Variants in HERC5 observed in about 807,000 individuals in gnomAD.
HERC5 encodes the protein E3 ISG15--protein ligase HERC5.
In HERC5, 99 loss-of-function variants were observed where a neutral mutation model predicts 119.6. The ratio of observed to expected loss-of-function variants is 0.83; its 90% CI spans 0.70 to 0.98. The LOEUF is 0.98. HERC5 is among the 50% of genes least tolerant of loss of function. The pLI, the probability that HERC5 is intolerant of heterozygous loss-of-function variation, is 0.00. For synonymous variants in HERC5, 478 were observed against 445.9 expected (o/e 1.07, Z -0.91); for missense variants, 1,267 against 1,241.3 (o/e 1.02, Z -0.31).
chr4:88,504,346 A>T lies in HERC5; in HGVS notation c.2697A>T (p.Leu899Phe), dbSNP rs1446898375. The T allele has an allele frequency of 1.9e-6, 3 of 1,612,840 alleles. No homozygotes were observed. The highest frequency in any genetic ancestry group is 2.2e-5 in the East Asian group (1 of 44,852). ...YKMCDEDIIK[L>F]FHPEELKDVI... ...TGTGCGACGAAGACATTATCAAATT[A>T]TTCCACCCCGAAGAACTGAAGGATG... The change falls in exon 21 of 23, where the codon TTA (leucine) becomes TTT (phenylalanine). Residue 899 changes from leucine (L) to phenylalanine (F), a missense_variant. Physicochemically the swap from Leu to Phe is conservative, Grantham distance 22 (BLOSUM62 0). This residue lies in a region of HERC5 where 473 missense variants were observed against 445.7 expected (regional missense o/e 1.06). Coordinates refer to ENST00000264350, the MANE Select transcript of HERC5 (RefSeq NM_016323.4).
intron 2 of HERC5, among the ~76,000 whole-genome samples, chr4:88,459,773 T>G (rs1322409005): frequency 6.6e-6 from 1 of 152,136 alleles, no homozygotes; most frequent in Non-Finnish European, 1.5e-5. Context: ...GTTTTTAACC[T>G]AGAAAAAATA....
chr4:88,500,451 A>G (rs1250265899), intron 19 of HERC5, among the ~76,000 whole-genome samples: 1 of 152,198 alleles, frequency 6.6e-6, no homozygotes, highest in Non-Finnish European at 1.5e-5. Context: ...CCCACCACAC[A>G]TGCTTCTGCT....
In HERC5 at chr4:88,494,300, G is replaced by T; in HGVS notation, c.2413G>T (p.Asp805Tyr). ...TTTGGACCAAATGCCATCATTGGAA[G>T]ACTTGAAAGAACTCAGTCCTGATTT... The part of the protein sequence containing the change: ...KLLDQMPSLE[D>Y]LKELSPDLGK... The change falls in exon 18 of 23, where the codon GAC becomes TAC. Residue 805 changes from aspartate (D) to tyrosine (Y), a missense_variant. Around this residue, in one of 3 missense-constraint regions of HERC5, gnomAD observed 473 missense variants for 445.7 expected, o/e 1.06. Coordinates refer to ENST00000264350, the MANE Select transcript of HERC5 (RefSeq NM_016323.4). 1 of 1,613,190 alleles carries T rather than the reference G, an allele frequency of 6.2e-7. No homozygotes were observed. The highest frequency in any genetic ancestry group is 8.5e-7 in the Non-Finnish European group (1 of 1,179,718).
At position 88,494,217 on chromosome 4, in the gene HERC5, C is replaced by T; in HGVS notation, c.2330C>T (p.Ser777Phe). 4.3e-6 allele frequency: 7 copies of T among 1,612,900 alleles called. No individual in the cohort carries two copies. The highest frequency in any genetic ancestry group is 5.9e-6 in the Non-Finnish European group (7 of 1,179,516). ...TTTTTTGGGGTTCTATGTGGACTTT[C>T]CCTGTTCAATTGCAATGTTGCCAAC... The part of the protein sequence containing the change: ...YFFFGVLCGL[S>F]LFNCNVANLP... The change falls in exon 18 of 23, where the codon TCC (serine) becomes TTC (phenylalanine). Residue 777 changes from serine to phenylalanine, a missense_variant. This residue lies in a region of HERC5 where 473 missense variants were observed against 445.7 expected (regional missense o/e 1.06). Transcript: ENST00000264350.
At position 88,487,172 on chromosome 4, in the gene HERC5, A is replaced by T; in HGVS notation, c.1955A>T (p.Lys652Ile). ...CTACTACATACAGACACACTTTTAAAAATAGAGGTATGTATGCCTATTTGT... is the reference window on the plus strand; with the variant it reads ...CTACTACATACAGACACACTTTTAATAATAGAGGTATGTATGCCTATTTGT... ...IKLLHTDTLL[K>I]IESKKHKAYL... The change falls in exon 15 of 23, where the codon AAA (lysine) becomes ATA (isoleucine). Residue 652 changes from lysine to isoleucine, a missense_variant. Physicochemically the swap from Lys to Ile is moderately radical, Grantham distance 102 (BLOSUM62 -3). Coordinates refer to ENST00000264350, the MANE Select transcript of HERC5 (RefSeq NM_016323.4). 6.6e-7 allele frequency: 1 copy of T among 1,522,270 alleles called. No homozygotes were observed. Among genetic ancestry groups the T allele is most frequent in the Non-Finnish European group, 9.1e-7 (1 of 1,097,646 alleles). 94.3% of individuals were successfully genotyped at this position (1,522,270 alleles called of 1,614,324 possible).
At chr4:88,471,763 T>C (rs1740875739) in intron 10 of HERC5, among the ~76,000 whole-genome samples, 1 of 152,234 alleles carries the variant, frequency 6.6e-6, no homozygotes, top group African/African-American at 2.4e-5. Flanking sequence ...GCCCTCTCTT[T>C]TGGTTCCCAC....
Position 88,504,254 on chromosome 4 carries a change from A to G in HERC5, c.2605A>G (p.Ile869Val). The G allele has an allele frequency of 6.2e-7, 1 of 1,604,172 alleles. No homozygotes were observed. The highest frequency in any genetic ancestry group is 8.5e-7 in the Non-Finnish European group (1 of 1,172,552). ...AAGGAGAGACTATGTTTCTAAGTAT[A>G]TCAATTACATTTTCAACGACTCTGT... ...TNKRDYVSKY[I>V]NYIFNDSVKA... Residue 869 changes from isoleucine (I) to valine (V), a missense_variant, in exon 21 of 23, where the codon ATC (isoleucine) becomes GTC (valine). This residue lies in a region of HERC5 where 473 missense variants were observed against 445.7 expected (regional missense o/e 1.06). Transcript: ENST00000264350.
chr4:88,472,464 T>C lies in HERC5; in HGVS notation c.1354T>C (p.Phe452Leu), dbSNP rs372579236. Residue 452 changes from phenylalanine to leucine, a missense_variant, in exon 11 of 23, where the codon TTC becomes CTC. This residue lies in a region of HERC5 where 777 missense variants were observed against 758.0 expected (regional missense o/e 1.03). Transcript: ENST00000264350. ...YLDLNKARNI[F>L]KELTQKDWIT... ...GGACTTAAATAAAGCAAGAAACATC[T>C]TCAAGGAGTTAACCCAAAAGGACTG... The C allele has an allele frequency of 1.3e-5, 21 of 1,603,650 alleles. No homozygotes were observed. Among genetic ancestry groups the C allele is most frequent in the Non-Finnish European group, 1.7e-5 (20 of 1,172,208 alleles).
chr4:88,497,115 C>G (rs1188830710), intron 18 of HERC5, among the ~76,000 whole-genome samples: 4 of 152,108 alleles, frequency 2.6e-5, no homozygotes, highest in African/African-American at 9.7e-5. Flanking sequence ...TTATAGATTA[C>G]CCAGTCTAAG....
chr4:88,490,415 C>T (rs1049929980), intron 16 of HERC5, among the ~76,000 whole-genome samples: 3 of 152,142 alleles, frequency 2.0e-5, no homozygotes, highest in African/African-American at 7.2e-5. Context: ...AGACTTTCTG[C>T]TTAATGAAGA....
chr4:88,471,436 G>A (rs1335500661), intron 10 of HERC5, among the ~76,000 whole-genome samples: 5 of 151,784 alleles, frequency 3.3e-5, no homozygotes, highest in Non-Finnish European at 5.9e-5. Context: ...AAACTCTTGG[G>A]CTCAAGCAAA....
At chr4:88,457,903 T>A (rs1329447173) in intron 1 of HERC5, 1 of 1,035,766 alleles carries the variant, frequency 9.7e-7, no homozygotes, top group Non-Finnish European at 1.2e-6. Flanking sequence ...GAGAAAGTAG[T>A]CACTGCTCCA....
At chr4:88,493,489 A>G (rs928757107) in intron 17 of HERC5, among the ~76,000 whole-genome samples, 1 of 152,180 alleles carries the variant, frequency 6.6e-6, no homozygotes, top group African/African-American at 2.4e-5. Flanking sequence ...CTGTGGAAAG[A>G]AATTGTGAAA....
At chr4:88,464,082 A>G in intron 6 of HERC5, 97 bp downstream of exon 6, 1 of 1,018,936 alleles carries the variant, frequency 9.8e-7, no homozygotes, top group Non-Finnish European at 1.4e-6. Context: ...AGATGTATCA[A>G]ACATTTTCAA....
chr4:88,464,794 G>A (rs189076814), intron 6 of HERC5, among the ~76,000 whole-genome samples: 137 of 151,268 alleles, frequency 9.1e-4, no homozygotes, highest in African/African-American at 3.2e-3. Context: ...TTTTTGAGAC[G>A]GAGTCTCGCT....
rs535592062 is a variant in HERC5, at chr4:88,469,108, T to C, written c.1135-49T>C. The C allele has an allele frequency of 3.8e-6, 5 of 1,319,810 alleles. No homozygotes were observed. In the South Asian group the frequency reaches 6.1e-5, roughly 16 times the overall value. 81.8% of individuals were successfully genotyped at this position (1,319,810 alleles called of 1,614,324 possible). ...AGTGTACCTAAAAGTTGGGTGCCTA[T>C]CTCTGATGTGTCTAAATTATTGTAT... On this transcript the variant is annotated intron_variant, in intron 8 of 22. Coordinates refer to ENST00000264350, the MANE Select transcript of HERC5 (RefSeq NM_016323.4).
Position 88,457,318 on chromosome 4 carries a change from G to A in HERC5, c.49G>A (p.Ala17Thr). 7.2e-7 allele frequency: 1 copy of A among 1,383,380 alleles called. No homozygotes were observed. The highest frequency in any genetic ancestry group is 9.3e-7 in the Non-Finnish European group (1 of 1,072,438). The allele number at this position is 1,383,380 out of a possible 1,614,324, so 85.7% of individuals were successfully genotyped here. A position where few individuals can be genotyped will look rare whatever the true frequency, so the allele number is the denominator to read the frequency against. ...GTCGCGGCGCAACGGGCGCTCGACCGCGGGCAAGGCCGCCGCGACCCAGCC... is the reference window on the plus strand; with the variant it reads ...GTCGCGGCGCAACGGGCGCTCGACCACGGGCAAGGCCGCCGCGACCCAGCC... ...RKSRRNGRST[A>T]GKAAATQPAK... Residue 17 changes from alanine (A) to threonine (T), a missense_variant, in exon 1 of 23, where the codon GCG (alanine) becomes ACG (threonine). Coordinates refer to ENST00000264350, the MANE Select transcript of HERC5 (RefSeq NM_016323.4).
intron 16 of HERC5, among the ~76,000 whole-genome samples, chr4:88,490,079 T>C (rs961394602): frequency 1.1e-4 from 17 of 152,222 alleles, no homozygotes; most frequent in African/African-American, 4.1e-4. Flanking sequence ...CCTACAGTTA[T>C]TTTGGGGTAT....
chr4:88,481,025 T>C (rs1741260149), intron 13 of HERC5, among the ~76,000 whole-genome samples: 1 of 152,164 alleles, frequency 6.6e-6, no homozygotes, highest in Admixed American at 6.6e-5. Flanking sequence ...TTTTACTCCT[T>C]GTGTCTTGTT....
Sources: allele counts gnomAD v4.1 joint callset (sites outside exome capture counted in the v4.1 genomes callset), GRCh38; gene constraint gnomAD v4.1.1; regional missense constraint gnomAD v4.1.1; transcripts MANE v1.5; gene names NCBI Gene and HGNC (gene_info 2026-07-23, HGNC 2026-07-21).